The following DPPA2 variants were observed in gnomAD, a reference collection of about 807,000 sequenced individuals.
The protein encoded by DPPA2 is developmental pluripotency associated 2.
Under a neutral mutation model 36.2 loss-of-function variants are expected in DPPA2, and 26 were observed. The ratio of observed to expected loss-of-function variants is 0.72; its 90% confidence interval spans 0.53 to 1.00. The LOEUF (loss-of-function observed/expected upper bound fraction) is 1.00. Ranked by LOEUF, DPPA2 falls within the 50% of genes least tolerant of loss-of-function variation. DPPA2 has a pLI of 0.00. For missense variants in DPPA2, 361 were observed against 365.1 expected (o/e 0.99, Z 0.09); for synonymous variants, 113 against 123.2 (o/e 0.92, Z 0.55).
chr3:109,305,766 C>T (rs1433084927), intron 6 of DPPA2, among the ~76,000 whole-genome samples: 1 of 136,430 alleles, frequency 7.3e-6, no homozygotes, highest in Non-Finnish European at 1.5e-5. Flanking sequence ...AAGAGTGAAA[C>T]TCCATCTCAA....
chr3:109,303,539 T>C (rs144538504), intron 7 of DPPA2, among the ~76,000 whole-genome samples: 1,652 of 151,836 alleles, frequency 0.011, 25 homozygotes, highest in Non-Finnish European at 0.015. Context: ...CCAGCTAATT[T>C]TGTATTTTTA....
intron 7 of DPPA2, 83 bp downstream of exon 7, chr3:109,304,392 C>G (rs1032855911): frequency 1.4e-6 from 2 of 1,396,600 alleles, no homozygotes; most frequent in Non-Finnish European, 1.9e-6. Context: ...TCGCCCTCTG[C>G]TTTCTACTGT....
intron 3 of DPPA2, among the ~76,000 whole-genome samples, chr3:109,309,648 C>G (rs1707659796): frequency 6.6e-6 from 1 of 151,932 alleles, no homozygotes; most frequent in Non-Finnish European, 1.5e-5. Context: ...CAAGATCATG[C>G]CACTGCACTC....
intron 7 of DPPA2, among the ~76,000 whole-genome samples, chr3:109,302,061 C>G (rs1051873523): frequency 1.3e-5 from 2 of 152,182 alleles, no homozygotes; most frequent in African/African-American, 4.8e-5. Flanking sequence ...TCCATTGCTC[C>G]CTTTACTCAC....
At position 109,302,350 on chromosome 3, in the gene DPPA2, G is replaced by A. The variant is rs539419390; in HGVS notation, c.855-1915C>T. ...CTCATTACTCCTACATCTTACATTC[G>A]TCTCATTCCTCCTTAAATGCTTTGT... On this transcript the variant is annotated intron_variant, in intron 7 of 8. Transcript: ENST00000478945. 7.2e-5 allele frequency among the ~76,000 whole-genome samples: 11 copies of A among 152,116 alleles called. No individual in the cohort carries two copies. The East Asian group carries it at 1.9e-3, about 27-fold the overall frequency.
intron 8 of DPPA2, among the ~76,000 whole-genome samples, chr3:109,294,926 C>T (rs1707324550): frequency 6.6e-6 from 1 of 152,128 alleles, no homozygotes; most frequent in Non-Finnish European, 1.5e-5. Flanking sequence ...GAGGCTGAGG[C>T]TGGAGAATCG....
chr3:109,312,444 T>C lies in DPPA2; in HGVS notation c.181+101A>G, dbSNP rs1707727096. ...CAGATTAACAAGGTGAGATTTAAGC[T>C]GGGTGTTGTATAGTCAGAGGATAGG... On this transcript the variant is annotated intron_variant, in intron 3 of 8. Coordinates refer to ENST00000478945, the MANE Select transcript of DPPA2 (RefSeq NM_138815.4). The C allele has an allele frequency of 2.2e-6, 3 of 1,388,176 alleles. No homozygotes were observed. The South Asian group carries it at 5.0e-5, about 23-fold the overall frequency. The allele number at this position is 1,388,176 out of a possible 1,614,324, so 86.0% of individuals were successfully genotyped here.
rs945985222 is a variant in DPPA2, at chr3:109,304,470, G to A, written c.854+5C>T. The stretch of plus-strand genomic sequence containing the variant: ...GCCATGCTTAACAAGATACATAAGG[G>A]TTACCTCTTAGCACAGTCGGGGCAT... On this transcript the variant is annotated splice_donor_5th_base_variant and intron_variant, in intron 7 of 8. Coordinates refer to ENST00000478945, the MANE Select transcript of DPPA2 (RefSeq NM_138815.4). The A allele has an allele frequency of 1.9e-6, 3 of 1,604,926 alleles. No individual in the cohort carries two copies. Among genetic ancestry groups the A allele is most frequent in the Non-Finnish European group, 2.6e-6 (3 of 1,176,174 alleles).
chr3:109,295,595 T>C lies in DPPA2; in HGVS notation c.*23-1591A>G, dbSNP rs1011526132. On this transcript the variant is annotated intron_variant, in intron 8 of 8. Transcript: ENST00000478945. ...AGTCTGATTTATAAATATATACTTATACGTATATATCTATATACACAGATA... is the reference window on the plus strand; with the variant it reads ...AGTCTGATTTATAAATATATACTTACACGTATATATCTATATACACAGATA... The C allele has an allele frequency of 2.9e-4, 43 of 147,866 alleles. No individual in the cohort carries two copies. The Middle Eastern group carries it at 0.011, about 37-fold the overall frequency. 9.2% of individuals were successfully genotyped at this position (147,866 alleles called of 1,614,324 possible). A position where few individuals can be genotyped will look rare whatever the true frequency, so the allele number is the denominator to read the frequency against.
chr3:109,304,252 G>A (rs746797023), intron 7 of DPPA2, among the ~76,000 whole-genome samples: 19 of 151,340 alleles, frequency 1.3e-4, no homozygotes, highest in Non-Finnish European at 2.4e-4. Context: ...CAGCCTGGGC[G>A]AGAAGAGCAA....
intron 6 of DPPA2, among the ~76,000 whole-genome samples, chr3:109,305,481 G>A (rs1045814732): frequency 6.6e-6 from 1 of 151,940 alleles, no homozygotes; most frequent in Non-Finnish European, 1.5e-5. Flanking sequence ...CTGTTTAAAA[G>A]TGTAAGGAAC....
chr3:109,304,165 C>G (rs889985072), intron 7 of DPPA2, among the ~76,000 whole-genome samples: 2 of 151,690 alleles, frequency 1.3e-5, no homozygotes, highest in African/African-American at 4.8e-5. Flanking sequence ...AGCTGAGACT[C>G]GGGAGGCTGA....
intron 7 of DPPA2, among the ~76,000 whole-genome samples, chr3:109,302,909 G>C (rs570888459): frequency 1.1e-3 from 169 of 152,006 alleles, no homozygotes; most frequent in Admixed American, 3.7e-3. Context: ...TATTTTCCTG[G>C]AGAGCACATA....
intron 8 of DPPA2, among the ~76,000 whole-genome samples, chr3:109,298,709 C>T (rs1000105048): frequency 9.0e-6 from 1 of 111,630 alleles, no homozygotes; most frequent in East Asian, 3.0e-4. Flanking sequence ...AAGTATGATT[C>T]TGTCTAAAAA....
At chr3:109,297,399 C>T (rs6792931) in intron 8 of DPPA2, among the ~76,000 whole-genome samples, 18,356 of 151,928 alleles carry the variant, frequency 0.12, 1,281 homozygotes, top group South Asian at 0.2. Flanking sequence ...TAGCGTGTGC[C>T]TGTGGTCCCA....
rs533338014 is a variant in DPPA2 at position 109,308,847 on chromosome 3, T to A, written c.396+179A>T. Among the ~76,000 whole-genome samples the A allele has an allele frequency of 6.6e-5, 10 of 152,302 alleles. No individual in the cohort carries two copies. The South Asian group carries it at 1.2e-3, about 19-fold the overall frequency. On this transcript the variant is annotated intron_variant, in intron 5 of 8. Transcript: ENST00000478945. ...AGGCTGGGGATGCTGCAAAACATAC[T>A]ACAATGTACAGGGCAGCCCCCAAAA...
At chr3:109,298,717 A>AAT (rs138793255) in intron 8 of DPPA2, among the ~76,000 whole-genome samples, 1 of 141,874 alleles carries the variant, frequency 7.0e-6, no homozygotes, top group African/African-American at 2.6e-5. Context: ...TTCTGTCTAA[A>AAT]AATAATAATA....
At chr3:109,301,133 G>A (rs1019925004) in intron 7 of DPPA2, among the ~76,000 whole-genome samples, 2 of 151,664 alleles carry the variant, frequency 1.3e-5, no homozygotes, top group African/African-American at 2.4e-5. Flanking sequence ...ACAGGTGCAT[G>A]CCACCACACC....
At position 109,296,688 on chromosome 3, in the gene DPPA2, T is replaced by TAA. The variant is rs35910479; in HGVS notation, c.*23-2686_*23-2685dup. On this transcript the variant is annotated intron_variant, in intron 8 of 8. Coordinates refer to ENST00000478945, the MANE Select transcript of DPPA2 (RefSeq NM_138815.4). ...AAAAACTCTGTCTCAAAAAAAATAATAAAAAAAAAAGGAAGGAAAGAAATG... is the reference window on the plus strand; with the variant it reads ...AAAAACTCTGTCTCAAAAAAAATAATAAAAAAAAAAAAGGAAGGAAAGAAATG... Among the ~76,000 whole-genome samples the TAA allele has an allele frequency of 1.6e-3, 230 of 147,282 alleles. 6 individuals carry two copies. In the East Asian group the frequency reaches 0.024, roughly 15 times the overall value.
Sources: gnomAD v4.1 joint callset for allele counts (sites outside exome capture counted in the v4.1 genomes callset) on GRCh38, gnomAD v4.1.1 for gene constraint, MANE v1.5 for transcripts, NCBI Gene and HGNC (gene_info 2026-07-23, HGNC 2026-07-21) for gene names.